Variants in RIMS1 observed in about 807,000 individuals in gnomAD.
The protein encoded by RIMS1 is regulating synaptic membrane exocytosis protein 1.
In RIMS1, 83 loss-of-function variants were observed where a neutral mutation model predicts 214.1. The ratio of observed to expected loss-of-function variants is 0.39; its 90% CI spans 0.32 to 0.47. The LOEUF is 0.47. Among genes scored for constraint, RIMS1 ranks in the 20% least tolerant of loss-of-function variants. RIMS1 has a pLI of 0.99. For missense variants in RIMS1, 2,050 were observed against 2,161.8 expected (o/e 0.95, Z 1.03); for synonymous variants, 793 against 786.8 (o/e 1.01, Z -0.13).
intron 6 of RIMS1, among the ~76,000 whole-genome samples, chr6:72,197,825 T>C (rs1448459379): frequency 6.6e-6 from 1 of 152,056 alleles, no homozygotes; most frequent in Admixed American, 6.6e-5. Context: ...GCCATGGGGA[T>C]GCCCAAAGAT....
At chr6:72,026,527 T>G (rs780800869) in intron 2 of RIMS1, among the ~76,000 whole-genome samples, 1 of 145,214 alleles carries the variant, frequency 6.9e-6, no homozygotes, top group Non-Finnish European at 1.5e-5. Context: ...GTGGAGTCCA[T>G]TTGGGTTTTT....
intron 1 of RIMS1, among the ~76,000 whole-genome samples, chr6:71,933,082 C>T (rs1248693480): frequency 6.6e-6 from 1 of 152,074 alleles, no homozygotes; most frequent in Non-Finnish European, 1.5e-5. Flanking sequence ...GGCATATCAT[C>T]AGTGCTTCAG....
chr6:71,912,751 G>C (rs1238875429), intron 1 of RIMS1, among the ~76,000 whole-genome samples: 2 of 151,970 alleles, frequency 1.3e-5, no homozygotes, highest in Non-Finnish European at 2.9e-5. Flanking sequence ...TTATGTGTCA[G>C]GTACTGAATC....
At chr6:72,076,764 A>T (rs183394808) in intron 2 of RIMS1, among the ~76,000 whole-genome samples, 1 of 152,222 alleles carries the variant, frequency 6.6e-6, no homozygotes, top group Non-Finnish European at 1.5e-5. Flanking sequence ...GCTTAAAAAA[A>T]TCCTCAGCTT....
At chr6:72,053,557 A>T (rs532667386) in intron 2 of RIMS1, among the ~76,000 whole-genome samples, 1 of 152,276 alleles carries the variant, frequency 6.6e-6, no homozygotes, top group Non-Finnish European at 1.5e-5. Flanking sequence ...TGTTTTTGGC[A>T]TCTGCTTGAA....
At chr6:72,336,533 G>C (rs530038625) in intron 29 of RIMS1, among the ~76,000 whole-genome samples, 1 of 151,882 alleles carries the variant, frequency 6.6e-6, no homozygotes, top group African/African-American at 2.4e-5. Context: ...ATGAAGCCAA[G>C]ATACCAAAAT....
At chr6:72,228,623 A>C (rs11758222) in intron 6 of RIMS1, among the ~76,000 whole-genome samples, 30,934 of 151,888 alleles carry the variant, frequency 0.2, 3,988 homozygotes, top group Non-Finnish European at 0.28. Flanking sequence ...TGCAGTGAAC[A>C]TGGGAATGCA....
At chr6:72,016,347 C>T (rs1319365189) in intron 2 of RIMS1, among the ~76,000 whole-genome samples, 1 of 152,010 alleles carries the variant, frequency 6.6e-6, no homozygotes, top group African/African-American at 2.4e-5. Context: ...TTATTATTGT[C>T]TTCCTTCCAT....
At chr6:72,276,077 G>A (rs1485632290) in intron 23 of RIMS1, among the ~76,000 whole-genome samples, 1 of 152,128 alleles carries the variant, frequency 6.6e-6, no homozygotes, top group Non-Finnish European at 1.5e-5. Context: ...GCTGGGTGTG[G>A]TGGCACATGC....
At chr6:71,906,459 G>T (rs1164323462) in intron 1 of RIMS1, among the ~76,000 whole-genome samples, 2 of 151,960 alleles carry the variant, frequency 1.3e-5, no homozygotes, top group Non-Finnish European at 2.9e-5. Flanking sequence ...TTACAGAAAA[G>T]AAAACAGAAA....
intron 22 of RIMS1, among the ~76,000 whole-genome samples, chr6:72,273,253 C>A (rs1449610849): frequency 6.6e-6 from 1 of 152,026 alleles, no homozygotes; most frequent in Non-Finnish European, 1.5e-5. Context: ...TTATATCTGG[C>A]AAGTTTTCAA....
intron 29 of RIMS1, among the ~76,000 whole-genome samples, chr6:72,355,759 C>A (rs2097607734): frequency 6.6e-6 from 1 of 152,070 alleles, no homozygotes; most frequent in Non-Finnish European, 1.5e-5. Context: ...CGTTGAGCTC[C>A]CTATGAAGTC....
intron 2 of RIMS1, among the ~76,000 whole-genome samples, chr6:71,977,936 T>C (rs1797567257): frequency 6.6e-6 from 1 of 152,164 alleles, no homozygotes; most frequent in Admixed American, 6.6e-5. Context: ...CAGTGTTGCG[T>C]AGCAAACGGG....
chr6:72,044,694 A>G (rs1196051272), intron 2 of RIMS1, among the ~76,000 whole-genome samples: 5 of 151,876 alleles, frequency 3.3e-5, no homozygotes, highest in African/African-American at 1.2e-4. Context: ...AAAATTAAAA[A>G]CACAAACATT....
chr6:72,205,945 A>G (rs2052823951), intron 6 of RIMS1, among the ~76,000 whole-genome samples: 1 of 152,194 alleles, frequency 6.6e-6, no homozygotes, highest in Non-Finnish European at 1.5e-5. Flanking sequence ...GGGATTGCTA[A>G]TTATATCTAT....
chr6:72,200,420 A>G lies in RIMS1; in HGVS notation c.1678+17271A>G, dbSNP rs537603874. ...GGGCCCTTTCCCACACAAGGTGAGG[A>G]ACACACTTTCAGAGACCTCTACCTC... On this transcript the variant is annotated intron_variant, in intron 6 of 33. Transcript: ENST00000521978. Among the ~76,000 whole-genome samples, 41 of 152,260 alleles carry G rather than the reference A, an allele frequency of 2.7e-4. No homozygotes were observed. The South Asian group carries it at 7.7e-3, about 29-fold the overall frequency.
intron 10 of RIMS1, 71 bp downstream of exon 10, chr6:72,242,508 T>C (rs1279858230): frequency 2.9e-5 from 32 of 1,094,162 alleles, no homozygotes; most frequent in Non-Finnish European, 4.2e-5. Flanking sequence ...AAAAGAATTT[T>C]ATACATTCAT....
At chr6:72,052,238 A>G (rs1226589538) in intron 2 of RIMS1, among the ~76,000 whole-genome samples, 1 of 152,186 alleles carries the variant, frequency 6.6e-6, no homozygotes, top group Non-Finnish European at 1.5e-5. Flanking sequence ...TTGCTTGGTT[A>G]CCAGTTAAAG....
At chr6:72,132,558 G>A (rs970073186) in intron 4 of RIMS1, among the ~76,000 whole-genome samples, 3 of 152,056 alleles carry the variant, frequency 2.0e-5, no homozygotes, top group Non-Finnish European at 4.4e-5. Flanking sequence ...AGTTGTTAAG[G>A]TAACCTTATT....
Sources: allele counts gnomAD v4.1 joint callset (sites outside exome capture counted in the v4.1 genomes callset), GRCh38; gene constraint gnomAD v4.1.1; transcripts MANE v1.5; gene names NCBI Gene and HGNC (gene_info 2026-07-23, HGNC 2026-07-21).